Variants in SGCE observed in about 807,000 individuals in gnomAD.
SGCE encodes the protein sarcoglycan epsilon.
Under a neutral mutation model 57.8 loss-of-function variants are expected in SGCE, and 26 were observed. The observed-to-expected ratio is 0.45, with a 90% CI of 0.33 to 0.62. SGCE has a LOEUF of 0.62. Among genes scored for constraint, SGCE ranks in the 20% least tolerant of loss-of-function variants. The pLI is 0.02. For synonymous variants in SGCE, 183 were observed against 189.5 expected, an observed-to-expected ratio of 0.97 and a Z score of 0.28; for missense variants, 468 against 548.6, an observed-to-expected ratio of 0.85 and a Z score of 1.47.
intron 5 of SGCE, among the ~76,000 whole-genome samples, chr7:94,604,860 ATAG>A: frequency 3.2e-5 from 2 of 63,480 alleles, no homozygotes; most frequent in Non-Finnish European, 6.7e-5. Context: ...TATATATATA[ATAG>A]TTGTTATAAC....
intron 1 of SGCE, among the ~76,000 whole-genome samples, chr7:94,637,572 T>C (rs567256404): frequency 7.9e-5 from 12 of 152,206 alleles, no homozygotes; most frequent in African/African-American, 1.2e-4. Flanking sequence ...AGGAAGAGAC[T>C]GGCGTCTCTT....
At chr7:94,625,005 C>T (rs1340065069) in intron 3 of SGCE, 1 of 152,008 alleles carries the variant, frequency 6.6e-6, no homozygotes, top group Non-Finnish European at 1.5e-5. Flanking sequence ...CCTTCTATCA[C>T]TTCCAATGAG....
rs1043859833 is a variant in SGCE at position 94,628,333 on chromosome 7, A to G, written c.259T>C (p.Phe87Leu). Residue 87 changes from phenylalanine to leucine, a missense_variant, in exon 3 of 11, where the codon TTT becomes CTT. By Grantham distance (22) the Phe-to-Leu change is conservative. Transcript: ENST00000648936. ...GGGTAACCCATTAAATTTGTATTAAATGTTATGGGATCATTACTAATCTCG... is the reference window on the plus strand; with the variant it reads ...GGGTAACCCATTAAATTTGTATTAAGTGTTATGGGATCATTACTAATCTCG... Reference protein sequence around the residue: ...PGEISNDPITFNTNLMGYPDR... With the variant: ...PGEISNDPITLNTNLMGYPDR... The G allele has an allele frequency of 1.9e-6, 3 of 1,610,864 alleles. No homozygotes were observed. The highest frequency in any genetic ancestry group is 1.1e-5 in the South Asian group (1 of 90,960).
chr7:94,588,486 T>C (rs1050413988), intron 10 of SGCE: 102 of 1,395,488 alleles, frequency 7.3e-5, no homozygotes, highest in Non-Finnish European at 9.3e-5. Flanking sequence ...TCTAAGATCA[T>C]TTACCCTGTG....
At chr7:94,591,698 A>G (rs1457257505) in intron 9 of SGCE, among the ~76,000 whole-genome samples, 1 of 152,146 alleles carries the variant, frequency 6.6e-6, no homozygotes, top group Non-Finnish European at 1.5e-5. Context: ...ATCAAAGTCA[A>G]CCTATGCCCT....
chr7:94,593,999 T>C (rs1798048985), intron 9 of SGCE, among the ~76,000 whole-genome samples: 1 of 152,078 alleles, frequency 6.6e-6, no homozygotes, highest in African/African-American at 2.4e-5. Context: ...CCCCAGAATG[T>C]GTACTGTAAA....
At chr7:94,625,026 G>A (rs747268598) in intron 3 of SGCE, 1 of 151,998 alleles carries the variant, frequency 6.6e-6, no homozygotes, top group Non-Finnish European at 1.5e-5. Flanking sequence ...ACATTTAACT[G>A]CTGTAATATC....
chr7:94,646,818 G>C (rs1807154920), intron 1 of SGCE, among the ~76,000 whole-genome samples: 1 of 152,084 alleles, frequency 6.6e-6, no homozygotes, highest in South Asian at 2.1e-4. Context: ...TTGTATGTTT[G>C]CTTTAAATTG....
chr7:94,631,644 T>A (rs924834984), intron 1 of SGCE, among the ~76,000 whole-genome samples: 2 of 151,874 alleles, frequency 1.3e-5, no homozygotes, highest in African/African-American at 4.8e-5. Context: ...TACTGGATAC[T>A]GTGGGGGCCT....
At chr7:94,624,174 A>C (rs912206229) in intron 3 of SGCE, 18 of 397,974 alleles carry the variant, frequency 4.5e-5, no homozygotes, top group African/African-American at 2.7e-4. Flanking sequence ...AAAAAAAAAA[A>C]AAAAACAAAT....
chr7:94,599,713 T>G lies in SGCE; in HGVS notation c.1048A>C (p.Asn350His). The G allele has an allele frequency of 1.2e-6, 2 of 1,608,940 alleles. No homozygotes were observed. The highest frequency in any genetic ancestry group is 1.7e-6 in the Non-Finnish European group (2 of 1,175,556). ...GACACTTACTCTGGTGTTTGCATGT[T>G]TCTCTTTTCCCTAGAAACAAAACAA... ...CCRREGVEKR[N>H]MQTPDIQLVH... Residue 350 changes from asparagine to histidine, a missense_variant, in exon 8 of 11, where the codon AAC becomes CAC. Transcript: ENST00000648936.
chr7:94,650,213 C>T (rs1807686184), intron 1 of SGCE, among the ~76,000 whole-genome samples: 1 of 152,070 alleles, frequency 6.6e-6, no homozygotes, highest in African/African-American at 2.4e-5. Flanking sequence ...AAAATTGTAA[C>T]TGTTAAGTTT....
At chr7:94,638,827 C>A (rs1396585135) in intron 1 of SGCE, among the ~76,000 whole-genome samples, 1 of 152,128 alleles carries the variant, frequency 6.6e-6, no homozygotes, top group South Asian at 2.1e-4. Context: ...ATCAATCAAT[C>A]ATTTACAGGT....
chr7:94,610,405 T>G (rs540775868), intron 5 of SGCE, among the ~76,000 whole-genome samples: 1 of 152,316 alleles, frequency 6.6e-6, no homozygotes, highest in South Asian at 2.1e-4. Flanking sequence ...GTAACAAATA[T>G]ACCACTCTGG....
At chr7:94,608,124 A>C (rs1364879759) in intron 5 of SGCE, among the ~76,000 whole-genome samples, 3 of 152,168 alleles carry the variant, frequency 2.0e-5, no homozygotes, top group Non-Finnish European at 2.9e-5. Flanking sequence ...CAGGTGGGTC[A>C]CCTGAGGTCA....
chr7:94,650,839 T>G (rs1323235072), intron 1 of SGCE, among the ~76,000 whole-genome samples: 1 of 152,234 alleles, frequency 6.6e-6, no homozygotes, highest in Non-Finnish European at 1.5e-5. Context: ...AGAGAGTTCA[T>G]GTTGACTGTT....
At chr7:94,594,944 T>C (rs1798180123) in intron 9 of SGCE, among the ~76,000 whole-genome samples, 1 of 152,108 alleles carries the variant, frequency 6.6e-6, no homozygotes, top group Non-Finnish European at 1.5e-5. Context: ...CAGGTTCTGC[T>C]CCAGCTTCCC....
chr7:94,645,566 A>C (rs1008251957), intron 1 of SGCE, among the ~76,000 whole-genome samples: 2 of 152,196 alleles, frequency 1.3e-5, no homozygotes, highest in African/African-American at 4.8e-5. Context: ...ATTAGATATA[A>C]GAGACTTTAG....
chr7:94,619,041 A>C, intron 4 of SGCE, 85 bp from the exon 5 acceptor site: 1 of 955,582 alleles, frequency 1.0e-6, no homozygotes, highest in Non-Finnish European at 1.7e-6. Flanking sequence ...CGATTTGTTG[A>C]GTTCTGTCAT....
Sources: gnomAD v4.1 joint callset for allele counts (sites outside exome capture counted in the v4.1 genomes callset) on GRCh38, gnomAD v4.1.1 for gene constraint, MANE v1.5 for transcripts, NCBI Gene and HGNC (gene_info 2026-07-23, HGNC 2026-07-21) for gene names.